Variants in ENOX1 observed in about 807,000 individuals in gnomAD.
The protein encoded by ENOX1 is candidate growth-related and time keeping constitutive hydroquinone (NADH) oxidase.
A neutral mutation model predicts 82.5 loss-of-function variants in ENOX1; 42 were observed. That is an observed-to-expected ratio of 0.51 (90% CI 0.40 to 0.66). The LOEUF (loss-of-function observed/expected upper bound fraction) is 0.66. ENOX1 is among the 30% of genes least tolerant of loss of function. The probability of loss-of-function intolerance (pLI) is 0.00; values close to 1 mark genes in which losing one functional copy is unlikely to be tolerated. For synonymous variants in ENOX1, 271 were observed against 282.2 expected (o/e 0.96, Z 0.40); for missense variants, 608 against 811.6 (o/e 0.75, Z 3.05).
intron 12 of ENOX1, among the ~76,000 whole-genome samples, chr13:43,271,258 A>G (rs1010164477): frequency 1.3e-5 from 2 of 152,200 alleles, no homozygotes; most frequent in Non-Finnish European, 2.9e-5. Flanking sequence ...GACATTAATA[A>G]TCGTGTATCT....
chr13:43,594,512 A>C (rs1362277014), intron 2 of ENOX1, among the ~76,000 whole-genome samples: 1 of 152,198 alleles, frequency 6.6e-6, no homozygotes, highest in East Asian at 1.9e-4. Context: ...GCTGAGGAAG[A>C]GGGGCTGAGG....
intron 1 of ENOX1, among the ~76,000 whole-genome samples, chr13:43,735,270 A>T (rs890645225): frequency 6.6e-6 from 1 of 152,226 alleles, no homozygotes; most frequent in Non-Finnish European, 1.5e-5. Flanking sequence ...GGCTTTTCTA[A>T]ACAGACATAA....
chr13:43,281,210 T>TAGC (rs35709284), intron 12 of ENOX1, among the ~76,000 whole-genome samples: 25,162 of 151,886 alleles, frequency 0.17, 2,349 homozygotes, highest in Non-Finnish European at 0.22. Flanking sequence ...ATAATAATAA[T>TAGC]AGCAGCAGCA....
At chr13:43,689,797 CA>C (rs910126364) in intron 1 of ENOX1, among the ~76,000 whole-genome samples, 3 of 152,186 alleles carry the variant, frequency 2.0e-5, no homozygotes, top group African/African-American at 7.2e-5. Flanking sequence ...GATTCATTAT[CA>C]AATGCATTTC....
At chr13:43,307,964 T>C (rs576130718) in intron 11 of ENOX1, among the ~76,000 whole-genome samples, 106 of 152,196 alleles carry the variant, frequency 7.0e-4, no homozygotes, top group Non-Finnish European at 1.2e-3. Flanking sequence ...CATGTACACA[T>C]GCTTACCACA....
At chr13:43,579,526 G>A (rs1335573527) in intron 2 of ENOX1, among the ~76,000 whole-genome samples, 1 of 152,162 alleles carries the variant, frequency 6.6e-6, no homozygotes, top group Non-Finnish European at 1.5e-5. Flanking sequence ...ATTTTCACAA[G>A]GGATTCAGTG....
chr13:43,313,898 G>A (rs115460743), intron 11 of ENOX1, among the ~76,000 whole-genome samples: 273 of 152,228 alleles, frequency 1.8e-3, no homozygotes, highest in African/African-American at 5.0e-3. Flanking sequence ...GATAATTTAG[G>A]TAACTGCTTT....
chr13:43,397,504 C>T (rs554201464), intron 5 of ENOX1, among the ~76,000 whole-genome samples: 9 of 152,238 alleles, frequency 5.9e-5, no homozygotes, highest in Admixed American at 4.6e-4. Context: ...TAACTGATGG[C>T]GGTCACAATG....
At chr13:43,553,475 T>A (rs955485649) in intron 2 of ENOX1, among the ~76,000 whole-genome samples, 3 of 152,224 alleles carry the variant, frequency 2.0e-5, no homozygotes, top group African/African-American at 7.2e-5. Flanking sequence ...ACCGCTTCTT[T>A]AAAACTGGCT....
chr13:43,365,287 G>A (rs1404362204), intron 5 of ENOX1, among the ~76,000 whole-genome samples: 1 of 152,240 alleles, frequency 6.6e-6, no homozygotes. Flanking sequence ...TAGGTTAGGT[G>A]TGGGCAGGGA....
chr13:43,353,843 C>A (rs1207169520), intron 8 of ENOX1, among the ~76,000 whole-genome samples: 1 of 152,242 alleles, frequency 6.6e-6, no homozygotes, highest in African/African-American at 2.4e-5. Flanking sequence ...AAATTATACT[C>A]ATCTATATAA....
chr13:43,745,408 A>G (rs1369412372), intron 1 of ENOX1, among the ~76,000 whole-genome samples: 2 of 152,224 alleles, frequency 1.3e-5, no homozygotes, highest in African/African-American at 4.8e-5. Flanking sequence ...AAAAACTGGA[A>G]GGGAATACAG....
intron 1 of ENOX1, among the ~76,000 whole-genome samples, chr13:43,677,315 G>A (rs1180457792): frequency 6.6e-6 from 1 of 152,154 alleles, no homozygotes; most frequent in Non-Finnish European, 1.5e-5. Flanking sequence ...GGAGAGCAAA[G>A]AGCACATGAG....
chr13:43,684,443 G>GAGACA (rs2085962083), intron 1 of ENOX1, among the ~76,000 whole-genome samples: 1 of 152,126 alleles, frequency 6.6e-6, no homozygotes, highest in African/African-American at 2.4e-5. Context: ...AAAGTCAGAT[G>GAGACA]TCCCAGGATG....
At chr13:43,715,245 G>C (rs371439454) in intron 1 of ENOX1, among the ~76,000 whole-genome samples, 1 of 152,146 alleles carries the variant, frequency 6.6e-6, no homozygotes, top group Non-Finnish European at 1.5e-5. Context: ...GGCCCCCACT[G>C]TCTTCTGGCT....
At chr13:43,445,334 AG>A (rs2056587910) in intron 3 of ENOX1, among the ~76,000 whole-genome samples, 2 of 152,068 alleles carry the variant, frequency 1.3e-5, no homozygotes, top group Middle Eastern at 3.2e-3. Context: ...CGTGTTAGCC[AG>A]GATGGTCTTG....
At chr13:43,322,324 A>G in intron 11 of ENOX1, 60 bp downstream of exon 11, 2 of 1,326,612 alleles carry the variant, frequency 1.5e-6, no homozygotes, top group East Asian at 2.3e-5. Flanking sequence ...CTTATTCCCC[A>G]TCTGAGATTT....
At chr13:43,470,216 A>ATATGTG (rs1208532675) in intron 3 of ENOX1, among the ~76,000 whole-genome samples, 6 of 95,434 alleles carry the variant, frequency 6.3e-5, no homozygotes, top group Middle Eastern at 5.6e-3. Context: ...GTATATATAT[A>ATATGTG]TGTGTGTGTA....
At chr13:43,355,250 A>G (rs1264542165) in intron 8 of ENOX1, among the ~76,000 whole-genome samples, 1 of 152,188 alleles carries the variant, frequency 6.6e-6, no homozygotes, top group Non-Finnish European at 1.5e-5. Context: ...CAGGTACCAG[A>G]GCCTTCCTAT....
Sources: allele counts gnomAD v4.1 joint callset (sites outside exome capture counted in the v4.1 genomes callset), GRCh38; gene constraint gnomAD v4.1.1; transcripts MANE v1.5; gene names NCBI Gene and HGNC (gene_info 2026-07-23, HGNC 2026-07-21).